CSMD1: variants seen among roughly 807,000 people sequenced by gnomAD.
CSMD1 encodes the protein CUB and sushi domain-containing protein 1.
CSMD1 carries 213 observed loss-of-function variants against 417.5 expected under a neutral mutation model. That is an observed-to-expected ratio of 0.51 (90% CI 0.46 to 0.57). The LOEUF is 0.57. Among genes scored for constraint, CSMD1 ranks in the 20% least tolerant of loss-of-function variants. The pLI is 0.00. For synonymous variants in CSMD1, 2,862 were observed against 1,736.8 expected, an observed-to-expected ratio of 1.65 and a Z score of -16.11; for missense variants, 6,923 against 4,529.7, an observed-to-expected ratio of 1.53 and a Z score of -15.17.
At chr8:4,713,329 T>G (rs538599501) in intron 1 of CSMD1, among the ~76,000 whole-genome samples, 27 of 152,190 alleles carry the variant, frequency 1.8e-4, no homozygotes, top group Non-Finnish European at 3.7e-4. Flanking sequence ...TCCGGTGGTG[T>G]GGTGTCTTGC....
intron 21 of CSMD1, among the ~76,000 whole-genome samples, chr8:3,349,031 C>A (rs758289944): frequency 4.6e-5 from 7 of 152,192 alleles, no homozygotes; most frequent in Non-Finnish European, 7.3e-5. Context: ...GAGAGCTCCA[C>A]AGGAGTCTGC....
chr8:3,132,815 G>C (rs1256405808), intron 41 of CSMD1, among the ~76,000 whole-genome samples: 1 of 151,982 alleles, frequency 6.6e-6, no homozygotes, highest in Admixed American at 6.5e-5. Context: ...TTTCTTTCTG[G>C]AGCTCAGGAG....
At chr8:4,968,699 C>T (rs1219512973) in intron 1 of CSMD1, among the ~76,000 whole-genome samples, 2 of 152,108 alleles carry the variant, frequency 1.3e-5, no homozygotes, top group East Asian at 1.9e-4. Flanking sequence ...AAATACTAAC[C>T]TCTACCAGTG....
intron 41 of CSMD1, among the ~76,000 whole-genome samples, chr8:3,124,412 T>C (rs1275162888): frequency 6.6e-6 from 1 of 152,172 alleles, no homozygotes; most frequent in African/African-American, 2.4e-5. Flanking sequence ...GGTTATGCAG[T>C]AGTGGTCAAA....
intron 41 of CSMD1, among the ~76,000 whole-genome samples, chr8:3,132,046 T>G (rs947885735): frequency 2.0e-5 from 3 of 152,128 alleles, no homozygotes; most frequent in African/African-American, 7.2e-5. Context: ...GTAGCCATAA[T>G]GCCACCTCTA....
At position 4,100,248 on chromosome 8, in the gene CSMD1, G is replaced by A. The variant is rs148384362; in HGVS notation, c.416-68149C>T. 1.8e-4 allele frequency among the ~76,000 whole-genome samples: 28 copies of A among 152,262 alleles called. 1 individual carries two copies. The highest frequency in any genetic ancestry group is 6.3e-4 in the African/African-American group (26 of 41,554). On this transcript the variant is annotated intron_variant, in intron 3 of 69. Coordinates refer to ENST00000635120, the MANE Select transcript of CSMD1 (RefSeq NM_033225.6). ...TCTAGCATACAGATGGAAAACAGTA[G>A]GCATGCAGTTAATTGTCATAGTATT...
At chr8:3,837,432 A>T (rs181792748) in intron 5 of CSMD1, among the ~76,000 whole-genome samples, 102 of 152,292 alleles carry the variant, frequency 6.7e-4, no homozygotes, top group Middle Eastern at 6.8e-3. Flanking sequence ...TACGTCACAT[A>T]TGACAGGCAT....
At chr8:4,316,167 T>C (rs934565839) in intron 3 of CSMD1, among the ~76,000 whole-genome samples, 1 of 152,170 alleles carries the variant, frequency 6.6e-6, no homozygotes, top group African/African-American at 2.4e-5. Context: ...CTTTCAATTA[T>C]GTAGATTAGC....
chr8:4,431,526 T>C (rs1184839153), intron 2 of CSMD1, among the ~76,000 whole-genome samples: 1 of 151,460 alleles, frequency 6.6e-6, no homozygotes. Flanking sequence ...TTACACTTTA[T>C]AACACCCGAC....
At chr8:3,555,595 T>C (rs1348562772) in intron 10 of CSMD1, among the ~76,000 whole-genome samples, 1 of 152,246 alleles carries the variant, frequency 6.6e-6, no homozygotes, top group Non-Finnish European at 1.5e-5. Flanking sequence ...TCATTTTCTT[T>C]AATTCTACAG....
intron 3 of CSMD1, among the ~76,000 whole-genome samples, chr8:4,208,850 C>G (rs1476317946): frequency 1.3e-5 from 2 of 152,124 alleles, no homozygotes; most frequent in African/African-American, 4.8e-5. Flanking sequence ...ATTGAGGTAG[C>G]AATAAGTATC....
intron 1 of CSMD1, among the ~76,000 whole-genome samples, chr8:4,724,038 G>C (rs976989951): frequency 6.6e-6 from 1 of 152,076 alleles, no homozygotes; most frequent in East Asian, 1.9e-4. Context: ...ATCAATCACT[G>C]AATGATTCTT....
chr8:4,872,156 G>T (rs559318897), intron 1 of CSMD1, among the ~76,000 whole-genome samples: 2 of 152,206 alleles, frequency 1.3e-5, no homozygotes, highest in Non-Finnish European at 2.9e-5. Context: ...TGTAGCAAAT[G>T]AATGCAAACT....
chr8:3,203,395 C>T (rs74371941), intron 31 of CSMD1, among the ~76,000 whole-genome samples: 6,835 of 152,130 alleles, frequency 0.045, 185 homozygotes, highest in South Asian at 0.086. Context: ...ACGCTGCTGC[C>T]GGAAATCATG....
chr8:4,455,623 G>A (rs187416285), intron 2 of CSMD1, among the ~76,000 whole-genome samples: 2 of 151,936 alleles, frequency 1.3e-5, no homozygotes, highest in East Asian at 3.9e-4. Flanking sequence ...TTCTCTTTCA[G>A]GAGGAAAAAC....
intron 3 of CSMD1, among the ~76,000 whole-genome samples, chr8:4,231,114 G>A (rs550012386): frequency 6.6e-6 from 1 of 152,288 alleles, no homozygotes; most frequent in Admixed American, 6.5e-5. Flanking sequence ...AAGGATATAT[G>A]TTGAACTACA....
In CSMD1 at chr8:4,799,820, G is replaced by A. The variant is rs1405650699; in HGVS notation, c.86-162262C>T. 2.0e-5 allele frequency among the ~76,000 whole-genome samples: 3 copies of A among 151,908 alleles called. No homozygotes were observed. In the South Asian group the frequency reaches 6.2e-4, roughly 32 times the overall value. ...AAAGTGACAATATGCAAAGAGATAA[G>A]TATTAGAATGCTCTTTCCAGCATTA... On this transcript the variant is annotated intron_variant, in intron 1 of 69. Coordinates refer to ENST00000635120, the MANE Select transcript of CSMD1 (RefSeq NM_033225.6).
intron 1 of CSMD1, among the ~76,000 whole-genome samples, chr8:4,886,055 A>T (rs1377524338): frequency 6.6e-6 from 1 of 152,012 alleles, no homozygotes; most frequent in Admixed American, 6.6e-5. Context: ...CAGTGGTGCA[A>T]TCTTGGATCA....
intron 12 of CSMD1, among the ~76,000 whole-genome samples, chr8:3,445,493 A>G (rs2117079419): frequency 6.6e-6 from 1 of 152,330 alleles, no homozygotes; most frequent in African/African-American, 2.4e-5. Flanking sequence ...GATGGAACCA[A>G]GCCTCTATAG....
Sources: gnomAD v4.1 joint callset for allele counts (sites outside exome capture counted in the v4.1 genomes callset) on GRCh38, gnomAD v4.1.1 for gene constraint, MANE v1.5 for transcripts, NCBI Gene and HGNC (gene_info 2026-07-23, HGNC 2026-07-21) for gene names.